The following SEZ6L variants were observed in gnomAD, a reference collection of about 807,000 sequenced individuals.
The protein encoded by SEZ6L is seizure related 6 homolog like, also known as seizure 6-like protein.
In SEZ6L, 37 loss-of-function variants were observed where a neutral mutation model predicts 106.2. The observed-to-expected ratio is 0.35, with a 90% confidence interval of 0.27 to 0.46. The LOEUF (loss-of-function observed/expected upper bound fraction) is 0.46. SEZ6L is among the 20% of genes least tolerant of loss of function. The pLI is 1.00. For missense variants in SEZ6L, 1,172 were observed against 1,332.8 expected (o/e 0.88, Z 1.88); for synonymous variants, 541 against 570.4 (o/e 0.95, Z 0.73).
Position 26,328,547 on chromosome 22 carries a change from G to A in SEZ6L, c.2016-11889G>A, listed in dbSNP as rs2082388934. Among the ~76,000 whole-genome samples the A allele has an allele frequency of 2.0e-5, 3 of 152,092 alleles. No individual in the cohort carries two copies. The South Asian group carries it at 6.2e-4, about 32-fold the overall frequency. ...CCGTCTTTGTAGGCAAAGCAGCCGG[G>A]GAGCTGTTGGGTTTTCCTGGTCATG... is the stretch of plus-strand genomic sequence containing the variant. On this transcript the variant is annotated intron_variant, in intron 9 of 16. Coordinates refer to ENST00000248933, the MANE Select transcript of SEZ6L (RefSeq NM_021115.5).
chr22:26,351,864 G>GCTTCA (rs2083293220), intron 12 of SEZ6L, among the ~76,000 whole-genome samples: 2 of 150,884 alleles, frequency 1.3e-5, no homozygotes, highest in Non-Finnish European at 3.0e-5. Flanking sequence ...TTCATTTTAA[G>GCTTCA]AAGAGGATAC....
At chr22:26,280,269 CACAT>C (rs1243904698) in intron 1 of SEZ6L, among the ~76,000 whole-genome samples, 1 of 94,430 alleles carries the variant, frequency 1.1e-5, no homozygotes, top group African/African-American at 5.8e-5. Flanking sequence ...TACATTTATA[CACAT>C]ATATATATAC....
At chr22:26,180,711 G>A (rs564221549) in intron 1 of SEZ6L, among the ~76,000 whole-genome samples, 80 of 152,284 alleles carry the variant, frequency 5.3e-4, no homozygotes, top group Middle Eastern at 3.4e-3. Context: ...AGTGGAAAAT[G>A]AAGAGAAGCC....
intron 1 of SEZ6L, among the ~76,000 whole-genome samples, chr22:26,252,322 CT>C (rs758201612): frequency 1.3e-5 from 2 of 152,238 alleles, no homozygotes; most frequent in Non-Finnish European, 2.9e-5. Flanking sequence ...AGTTCAGACT[CT>C]ACCAAAGATC....
At chr22:26,195,758 T>G (rs1940537941) in intron 1 of SEZ6L, among the ~76,000 whole-genome samples, 1 of 151,988 alleles carries the variant, frequency 6.6e-6, no homozygotes, top group South Asian at 2.1e-4. Context: ...TGTGTATATG[T>G]ATAGTGTGTA....
chr22:26,294,630 G>A (rs769218787), intron 3 of SEZ6L, among the ~76,000 whole-genome samples: 6 of 152,040 alleles, frequency 3.9e-5, no homozygotes, highest in Admixed American at 2.6e-4. Context: ...GAGGGAACAT[G>A]CTGACAAATT....
chr22:26,252,688 T>A (rs2079640895), intron 1 of SEZ6L, among the ~76,000 whole-genome samples: 1 of 152,274 alleles, frequency 6.6e-6, no homozygotes, highest in South Asian at 2.1e-4. Flanking sequence ...TTTCTGTTCC[T>A]GAGTTAACTC....
intron 3 of SEZ6L, among the ~76,000 whole-genome samples, chr22:26,295,753 C>A (rs11704509): frequency 0.051 from 7,771 of 152,200 alleles, 229 homozygotes; most frequent in Middle Eastern, 0.065. Context: ...GCTGTTGACA[C>A]AGGAGAATAT....
At position 26,382,786 on chromosome 22, in the gene SEZ6L, G is replaced by A. The variant is rs2084450469; in HGVS notation, c.*2491G>A. The A allele has an allele frequency of 6.6e-6, 1 of 152,118 alleles. No individual in the cohort carries two copies. 9.4% of individuals were successfully genotyped at this position (152,118 alleles called of 1,614,324 possible). On this transcript the variant is annotated 3_prime_UTR_variant, in exon 17 of 17. Transcript: ENST00000248933. Reference sequence around the variant, plus strand: ...TGCAAGGCATCTCATTACAGCTCATGTACGTCTGTTTTTATAAGATCAATA... The same window carrying A: ...TGCAAGGCATCTCATTACAGCTCATATACGTCTGTTTTTATAAGATCAATA...
Position 26,306,032 on chromosome 22 carries a change from A to C in SEZ6L, c.1402A>C (p.Ser468Arg). The change falls in exon 6 of 17, where the codon AGT becomes CGT. Residue 468 changes from serine (S) to arginine (R), a missense_variant. Physicochemically the swap from Ser to Arg is moderately radical, Grantham distance 110 (BLOSUM62 -1). This residue lies in a region of SEZ6L where 534 missense variants were observed against 691.0 expected (regional missense o/e 0.77). Transcript: ENST00000248933. ...NATIGRVLSP[S>R]YPENTNGSQF... ...CACCATCGGCCGCGTCCTCTCCCCA[A>C]GTTACCCTGAAAACACAAATGGGAG... 6.2e-7 allele frequency: 1 copy of C among 1,614,064 alleles called. No homozygotes were observed. The highest frequency in any genetic ancestry group is 1.1e-5 in the South Asian group (1 of 91,074).
chr22:26,236,285 T>C (rs1019268414), intron 1 of SEZ6L, among the ~76,000 whole-genome samples: 1 of 152,222 alleles, frequency 6.6e-6, no homozygotes, highest in African/African-American at 2.4e-5. Flanking sequence ...TTAGTTCTCC[T>C]GGAGCTGAAC....
At chr22:26,223,117 A>C (rs1029898423) in intron 1 of SEZ6L, among the ~76,000 whole-genome samples, 2 of 152,142 alleles carry the variant, frequency 1.3e-5, no homozygotes, top group African/African-American at 4.8e-5. Context: ...GAGTTGTAGC[A>C]GCTCACCCCA....
At chr22:26,173,817 T>A (rs1019693107) in intron 1 of SEZ6L, among the ~76,000 whole-genome samples, 3 of 152,210 alleles carry the variant, frequency 2.0e-5, no homozygotes, top group African/African-American at 7.2e-5. Context: ...AATTCTCATA[T>A]GGCCAAGAGG....
At chr22:26,274,777 A>G (rs886655920) in intron 1 of SEZ6L, among the ~76,000 whole-genome samples, 2 of 152,162 alleles carry the variant, frequency 1.3e-5, no homozygotes, top group African/African-American at 4.8e-5. Flanking sequence ...TCTGCCAGCA[A>G]TGGTGTTGTG....
chr22:26,186,110 A>G (rs985902052), intron 1 of SEZ6L, among the ~76,000 whole-genome samples: 1 of 151,820 alleles, frequency 6.6e-6, no homozygotes, highest in Admixed American at 6.6e-5. Context: ...CCTGACATGA[A>G]TTATTGCTAC....
chr22:26,293,968 T>G (rs1372150826), intron 2 of SEZ6L, among the ~76,000 whole-genome samples: 2 of 152,182 alleles, frequency 1.3e-5, no homozygotes, highest in Non-Finnish European at 2.9e-5. Context: ...CTGCTTGCTG[T>G]TTGAGCTCGG....
rs568921392 is a variant in SEZ6L at position 26,257,011 on chromosome 22, G to A, written c.95-35395G>A. Among the ~76,000 whole-genome samples the A allele has an allele frequency of 1.6e-4, 24 of 152,290 alleles. 1 individual carries two copies. The East Asian group carries it at 4.1e-3, about 26-fold the overall frequency. On this transcript the variant is annotated intron_variant, in intron 1 of 16. Coordinates refer to ENST00000248933, the MANE Select transcript of SEZ6L (RefSeq NM_021115.5). ...TGGGCCAGTGGTTTTCAACAGGGGTGGGGAGCAATTTTGCTCTCCAAGGGA... is the reference window on the plus strand; with the variant it reads ...TGGGCCAGTGGTTTTCAACAGGGGTAGGGAGCAATTTTGCTCTCCAAGGGA...
chr22:26,313,872 A>T lies in SEZ6L; in HGVS notation c.1985A>T (p.Glu662Val). 6.2e-7 allele frequency: 1 copy of T among 1,609,174 alleles called. No homozygotes were observed. The highest frequency in any genetic ancestry group is 8.5e-7 in the Non-Finnish European group (1 of 1,175,756). Residue 662 changes from glutamate (E) to valine (V), a missense_variant, in exon 9 of 17, where the codon GAA becomes GTA. Coordinates refer to ENST00000248933, the MANE Select transcript of SEZ6L (RefSeq NM_021115.5). ...TGTATCTGGAAGATCCACGTGGGAG[A>T]AGAGAAACGGATCTTCTTAGATATC... ...EDCIWKIHVG[E>V]EKRIFLDIQF... is the part of the protein sequence containing the mutation.
intron 1 of SEZ6L, among the ~76,000 whole-genome samples, chr22:26,276,574 T>C (rs2080551228): frequency 1.3e-5 from 2 of 152,246 alleles, no homozygotes; most frequent in Non-Finnish European, 2.9e-5. Flanking sequence ...AAGTATAGCA[T>C]ATAGGTAATT....
Sources: gnomAD v4.1 joint callset for allele counts (sites outside exome capture counted in the v4.1 genomes callset) on GRCh38, gnomAD v4.1.1 for gene constraint, gnomAD v4.1.1 regional missense constraint, MANE v1.5 for transcripts, NCBI Gene and HGNC (gene_info 2026-07-23, HGNC 2026-07-21) for gene names.